HCRTR2: variants seen among roughly 807,000 people sequenced by gnomAD.
HCRTR2 encodes orexin receptor type 2.
HCRTR2 carries 22 observed loss-of-function variants against 49.0 expected under a neutral mutation model. The observed-to-expected ratio is 0.45, with a 90% CI of 0.32 to 0.64. HCRTR2 has a LOEUF of 0.64. HCRTR2 is among the 30% of genes least tolerant of loss of function. The pLI, the probability that HCRTR2 is intolerant of heterozygous loss-of-function variation, is 0.04. For missense variants in HCRTR2, 491 were observed against 559.4 expected (o/e 0.88, Z 1.23); for synonymous variants, 236 against 205.3 (o/e 1.15, Z -1.28).
In HCRTR2 at chr6:55,121,981, A is replaced by G. The variant is rs1398822793; in HGVS notation, c.-378+15436A>G. ...ATCAGGATGATGGTGGCCTCATAAAATGAGTTAGGGAGGATTCCCTCTTTT... is the reference window on the plus strand; with the variant it reads ...ATCAGGATGATGGTGGCCTCATAAAGTGAGTTAGGGAGGATTCCCTCTTTT... On this transcript the variant is annotated intron_variant, in intron 1 of 7. Transcript: ENST00000615358. 1.3e-5 allele frequency among the ~76,000 whole-genome samples: 2 copies of G among 152,204 alleles called. 1 individual carries two copies. The highest frequency in any genetic ancestry group is 6.3e-3 in the Middle Eastern group (2 of 316).
chr6:55,129,205 C>T (rs1206761462), intron 1 of HCRTR2, among the ~76,000 whole-genome samples: 1 of 152,072 alleles, frequency 6.6e-6, no homozygotes, highest in Non-Finnish European at 1.5e-5. Flanking sequence ...TATTTCTCTC[C>T]AGCTCAAACC....
At chr6:55,110,521 G>T (rs1043990343) in intron 1 of HCRTR2, among the ~76,000 whole-genome samples, 2 of 151,928 alleles carry the variant, frequency 1.3e-5, no homozygotes. Flanking sequence ...TTAAGGTAAA[G>T]GAGTAGAAAA....
At chr6:55,108,868 G>A (rs1203979025) in intron 1 of HCRTR2, among the ~76,000 whole-genome samples, 1 of 152,108 alleles carries the variant, frequency 6.6e-6, no homozygotes, top group Non-Finnish European at 1.5e-5. Flanking sequence ...TGTGGGGAGG[G>A]GCGAAGCCTG....
intron 1 of HCRTR2, among the ~76,000 whole-genome samples, chr6:55,224,160 T>C (rs1765952047): frequency 6.6e-6 from 1 of 152,188 alleles, no homozygotes; most frequent in South Asian, 2.1e-4. Context: ...TTTATAAACA[T>C]TAGAAATTAA....
At chr6:55,247,152 G>A (rs762055967) in intron 1 of HCRTR2, among the ~76,000 whole-genome samples, 1 of 151,668 alleles carries the variant, frequency 6.6e-6, no homozygotes, top group Non-Finnish European at 1.5e-5. Context: ...GTGTGAATAT[G>A]TGTGTGTGTG....
intron 1 of HCRTR2, among the ~76,000 whole-genome samples, chr6:55,222,636 A>G (rs1398373347): frequency 6.6e-6 from 1 of 152,240 alleles, no homozygotes; most frequent in African/African-American, 2.4e-5. Context: ...ATGCTGCAAC[A>G]TAGACAAACC....
At chr6:55,219,265 A>G (rs781277659) in intron 1 of HCRTR2, among the ~76,000 whole-genome samples, 7 of 152,244 alleles carry the variant, frequency 4.6e-5, no homozygotes, top group Non-Finnish European at 1.0e-4. Context: ...ATGCACACAC[A>G]TATATTATCC....
At chr6:55,169,639 T>G (rs536892898), upstream of HCRTR2, among the ~76,000 whole-genome samples, 12 of 152,204 alleles carry the variant, frequency 7.9e-5, no homozygotes, top group Non-Finnish European at 1.3e-4. Context: ...GATAACTTCC[T>G]GCAAAGCTAA....
At chr6:55,240,012 G>A (rs1766293392) in intron 1 of HCRTR2, among the ~76,000 whole-genome samples, 1 of 151,642 alleles carries the variant, frequency 6.6e-6, no homozygotes, top group Admixed American at 6.6e-5. Flanking sequence ...CCTGACCGCG[G>A]GTGATCCCCC....
intron 1 of HCRTR2, among the ~76,000 whole-genome samples, chr6:55,112,566 A>C (rs1764063537): frequency 6.7e-6 from 1 of 149,422 alleles, no homozygotes; most frequent in Non-Finnish European, 1.5e-5. Context: ...AAAAAAAAAA[A>C]CCTTAGGAAT....
At chr6:55,220,112 C>T (rs1374791689) in intron 1 of HCRTR2, among the ~76,000 whole-genome samples, 1 of 151,944 alleles carries the variant, frequency 6.6e-6, no homozygotes, top group African/African-American at 2.4e-5. Context: ...ATTCTGCCAA[C>T]ATTTAATAGA....
chr6:55,128,945 T>C (rs1393441970), intron 1 of HCRTR2, among the ~76,000 whole-genome samples: 3 of 152,150 alleles, frequency 2.0e-5, no homozygotes, highest in Non-Finnish European at 4.4e-5. Flanking sequence ...CCAAATCTAA[T>C]GGCTTATTTC....
chr6:55,111,005 T>G (rs953811488), intron 1 of HCRTR2, among the ~76,000 whole-genome samples: 3 of 151,926 alleles, frequency 2.0e-5, no homozygotes, highest in African/African-American at 7.2e-5. Flanking sequence ...TTTAAGAAAA[T>G]CGAAATTATA....
intron 1 of HCRTR2, among the ~76,000 whole-genome samples, chr6:55,223,128 G>A (rs1765930214): frequency 1.3e-5 from 2 of 152,142 alleles, no homozygotes; most frequent in South Asian, 4.1e-4. Flanking sequence ...TGATCCATTT[G>A]TTTTAGTTTG....
intron 1 of HCRTR2, among the ~76,000 whole-genome samples, chr6:55,140,081 G>T (rs1363095672): frequency 6.6e-6 from 1 of 152,058 alleles, no homozygotes; most frequent in Non-Finnish European, 1.5e-5. Flanking sequence ...TATTATTCCT[G>T]GGCACCCTGA....
chr6:55,174,370 T>TC, upstream of HCRTR2: 1 of 580,204 alleles, frequency 1.7e-6, no homozygotes, highest in East Asian at 3.0e-5. Flanking sequence ...CTGCCTATCT[T>TC]CCCGGTGCAA....
At chr6:55,108,920 G>T (rs1033970270) in intron 1 of HCRTR2, among the ~76,000 whole-genome samples, 8 of 152,094 alleles carry the variant, frequency 5.3e-5, no homozygotes, top group Admixed American at 5.2e-4. Context: ...TGTAGCCTGG[G>T]GCAAGTTCCC....
At position 55,193,287 on chromosome 6, in the gene HCRTR2, TA is replaced by T. The variant is rs576070271; in HGVS notation, c.223+18480del. ...TGTAGTGTTTACTACTAAAGAGATA[TA>T]AACAGAGTACTGTGGTCTAAAATCA... On this transcript the variant is annotated intron_variant, in intron 1 of 6. Transcript: ENST00000370862. Among the ~76,000 whole-genome samples the T allele has an allele frequency of 3.7e-3, 557 of 152,236 alleles. 6 individuals are homozygous for T. The highest frequency in any genetic ancestry group is 0.013 in the African/African-American group (527 of 41,548).
intron 1 of HCRTR2, among the ~76,000 whole-genome samples, chr6:55,153,435 C>T (rs1191863182): frequency 6.6e-6 from 1 of 151,884 alleles, no homozygotes; most frequent in Non-Finnish European, 1.5e-5. Flanking sequence ...TTGTGTAACA[C>T]AATGGTAATC....
Sources: allele counts gnomAD v4.1 joint callset (sites outside exome capture counted in the v4.1 genomes callset), GRCh38; gene constraint gnomAD v4.1.1; transcripts MANE v1.5; gene names NCBI Gene and HGNC (gene_info 2026-07-23, HGNC 2026-07-21).